HPSE2: variants seen among roughly 807,000 people sequenced by gnomAD.
HPSE2 encodes the protein heparanase 2 (inactive), also known as inactive heparanase-2.
Under a neutral mutation model 60.5 loss-of-function variants are expected in HPSE2, and 38 were observed. That is an observed-to-expected ratio of 0.63 (90% CI 0.48 to 0.82). The LOEUF is 0.82. Ranked by LOEUF, HPSE2 falls within the 40% of genes least tolerant of loss-of-function variation. The probability of loss-of-function intolerance (pLI) is 0.00; values close to 1 mark genes in which losing one functional copy is unlikely to be tolerated. For missense variants in HPSE2, 713 were observed against 740.4 expected, an observed-to-expected ratio of 0.96 and a Z score of 0.43; for synonymous variants, 295 against 293.2, an observed-to-expected ratio of 1.01 and a Z score of -0.06.
chr10:98,833,960 G>A (rs544970627), intron 3 of HPSE2, among the ~76,000 whole-genome samples: 4 of 152,014 alleles, frequency 2.6e-5, no homozygotes, highest in East Asian at 1.9e-4. Context: ...TCTCAGTTGC[G>A]TTAAGGTATT....
chr10:98,768,666 C>G (rs1247543860), intron 3 of HPSE2, among the ~76,000 whole-genome samples: 1 of 152,144 alleles, frequency 6.6e-6, no homozygotes, highest in Non-Finnish European at 1.5e-5. Context: ...TGTCTGTTTT[C>G]TAATCACTGG....
chr10:99,175,443 G>A (rs1387750633), intron 2 of HPSE2, among the ~76,000 whole-genome samples: 2 of 152,308 alleles, frequency 1.3e-5, no homozygotes, highest in South Asian at 2.1e-4. Flanking sequence ...GGAGAGGGGT[G>A]TCCACCACTA....
intron 3 of HPSE2, among the ~76,000 whole-genome samples, chr10:98,971,654 T>C (rs1714046393): frequency 6.6e-6 from 1 of 152,212 alleles, no homozygotes; most frequent in South Asian, 2.1e-4. Flanking sequence ...TGCATAACAT[T>C]CCTTGTTGTG....
At chr10:99,048,004 T>C in intron 3 of HPSE2, 4 of 696,894 alleles carry the variant, frequency 5.7e-6, no homozygotes, top group Non-Finnish European at 1.0e-5. Flanking sequence ...ATGAAACCTT[T>C]GCGAAGCTCA....
chr10:98,601,059 G>A (rs1003819704), intron 9 of HPSE2, among the ~76,000 whole-genome samples: 1 of 151,412 alleles, frequency 6.6e-6, no homozygotes, highest in African/African-American at 2.4e-5. Flanking sequence ...GTAGGCTGCT[G>A]GCAGGGTGGA....
At chr10:98,578,709 T>G (rs11189683) in intron 9 of HPSE2, among the ~76,000 whole-genome samples, 60,294 of 152,058 alleles carry the variant, frequency 0.4, 14,573 homozygotes, top group Admixed American at 0.52. Flanking sequence ...CACTTAAAAT[T>G]TTTTTCCTTT....
At chr10:99,043,420 G>A (rs931844342) in intron 3 of HPSE2, among the ~76,000 whole-genome samples, 18 of 152,318 alleles carry the variant, frequency 1.2e-4, no homozygotes, top group South Asian at 4.2e-4. Context: ...GGACCCAGGA[G>A]GAGGAGCTTG....
intron 3 of HPSE2, among the ~76,000 whole-genome samples, chr10:98,874,660 G>A (rs1314058840): frequency 6.6e-6 from 1 of 152,052 alleles, no homozygotes; most frequent in African/African-American, 2.4e-5. Context: ...GAATAGGAAT[G>A]ATGAGAGAGG....
chr10:99,262,745 T>C, the HPSE2 span, among the ~76,000 whole-genome samples: 1 of 152,132 alleles, frequency 6.6e-6, no homozygotes, highest in Non-Finnish European at 1.5e-5. Flanking sequence ...ATCAACCAAG[T>C]TGTCTTGCCT....
intron 3 of HPSE2, among the ~76,000 whole-genome samples, chr10:99,039,050 C>T (rs1029978317): frequency 3.9e-5 from 6 of 152,030 alleles, no homozygotes; most frequent in African/African-American, 7.2e-5. Flanking sequence ...TCAGAGGGCG[C>T]GTATCAGCTG....
upstream of HPSE2, among the ~76,000 whole-genome samples, chr10:99,236,860 A>G (rs188049297): frequency 6.6e-6 from 1 of 152,216 alleles, no homozygotes; most frequent in East Asian, 1.9e-4. Context: ...TGGCCACTCT[A>G]TTCTGCTGCA....
At chr10:98,974,778 C>G (rs1198521543) in intron 3 of HPSE2, among the ~76,000 whole-genome samples, 1 of 152,048 alleles carries the variant, frequency 6.6e-6, no homozygotes, top group African/African-American at 2.4e-5. Context: ...AAAATTGTAT[C>G]ACCTTATTCC....
At chr10:98,719,946 A>C (rs1049160623) in intron 5 of HPSE2, among the ~76,000 whole-genome samples, 1 of 151,980 alleles carries the variant, frequency 6.6e-6, no homozygotes, top group African/African-American at 2.4e-5. Flanking sequence ...GGTTGCAGTG[A>C]GCCGAGATCA....
chr10:98,490,378 C>G (rs1001167056), intron 9 of HPSE2, among the ~76,000 whole-genome samples, 182 bp from the exon 10 acceptor site: 1 of 152,108 alleles, frequency 6.6e-6, no homozygotes, highest in Non-Finnish European at 1.5e-5. Flanking sequence ...CCATGAAACA[C>G]GAACGTGGGT....
chr10:98,794,588 C>T (rs1434974915), intron 3 of HPSE2, among the ~76,000 whole-genome samples: 2 of 152,094 alleles, frequency 1.3e-5, no homozygotes, highest in African/African-American at 4.8e-5. Flanking sequence ...CTAATATTTT[C>T]TTGTCTTTCA....
chr10:98,866,337 G>T, intron 3 of HPSE2, among the ~76,000 whole-genome samples: 1 of 151,900 alleles, frequency 6.6e-6, no homozygotes, highest in East Asian at 1.9e-4. Flanking sequence ...TGAGAAAGAA[G>T]AATCCAAAAA....
At chr10:98,624,680 C>A (rs1321431353) in intron 7 of HPSE2, among the ~76,000 whole-genome samples, 1 of 152,038 alleles carries the variant, frequency 6.6e-6, no homozygotes, top group Non-Finnish European at 1.5e-5. Context: ...AAATGATATA[C>A]AAATTAAAGT....
intron 3 of HPSE2, among the ~76,000 whole-genome samples, chr10:98,871,398 C>T (rs1376267415): frequency 1.3e-5 from 2 of 151,724 alleles, no homozygotes; most frequent in Non-Finnish European, 2.9e-5. Flanking sequence ...TTTCATATAT[C>T]CATAGAAGTG....
chr10:98,838,079 T>A (rs1951832194), intron 3 of HPSE2, among the ~76,000 whole-genome samples: 1 of 152,178 alleles, frequency 6.6e-6, no homozygotes, highest in Non-Finnish European at 1.5e-5. Flanking sequence ...CAAATGCATT[T>A]GAAACTGCCC....
Sources: allele counts gnomAD v4.1 joint callset (sites outside exome capture counted in the v4.1 genomes callset), GRCh38; gene constraint gnomAD v4.1.1; transcripts MANE v1.5; gene names NCBI Gene and HGNC (gene_info 2026-07-23, HGNC 2026-07-21).